NID1: variants seen among roughly 807,000 people sequenced by gnomAD.
The protein encoded by NID1 is nidogen 1.
NID1 carries 76 observed loss-of-function variants against 130.6 expected under a neutral mutation model. That is an observed-to-expected ratio of 0.58 (90% CI 0.48 to 0.70). The LOEUF is 0.70. Ranked by LOEUF, NID1 falls within the 30% of genes least tolerant of loss-of-function variation. NID1 has a pLI of 0.00. For missense variants in NID1, 1,517 were observed against 1,664.8 expected (o/e 0.91, Z 1.54); for synonymous variants, 665 against 675.1 (o/e 0.98, Z 0.23).
At position 236,039,059 on chromosome 1, in the gene NID1, T is replaced by C. The variant is rs369275755; in HGVS notation, c.1136-806A>G. Among the ~76,000 whole-genome samples, 27 of 141,062 alleles carry C rather than the reference T, an allele frequency of 1.9e-4. No individual in the cohort carries two copies. The East Asian group carries it at 4.5e-3, about 24-fold the overall frequency. The allele number at this position is 141,062 out of a possible 152,430, so 92.5% of individuals were successfully genotyped here. A position where few individuals can be genotyped will look rare whatever the true frequency, so the allele number is the denominator to read the frequency against. The stretch of plus-strand genomic sequence containing the variant: ...AATATATATTTACATTATATATTTA[T>C]ATATACATTATATATATTTACATTA... On this transcript the variant is annotated intron_variant, in intron 4 of 19. Transcript: ENST00000264187.
At chr1:236,060,445 G>C (rs1277313638) in intron 1 of NID1, among the ~76,000 whole-genome samples, 2 of 152,108 alleles carry the variant, frequency 1.3e-5, no homozygotes, top group African/African-American at 4.8e-5. Context: ...CTTTGACTTA[G>C]AATGCCTTAA....
At chr1:236,036,188 C>T (rs1659254354) in intron 5 of NID1, among the ~76,000 whole-genome samples, 1 of 152,022 alleles carries the variant, frequency 6.6e-6, no homozygotes. Context: ...ATACAAAAGC[C>T]AAGCCTGAAA....
intron 15 of NID1, among the ~76,000 whole-genome samples, chr1:235,982,139 A>AG (rs1481936166): frequency 1.3e-5 from 2 of 152,134 alleles, no homozygotes; most frequent in Non-Finnish European, 1.5e-5. Context: ...GAGAACAGGG[A>AG]GGGGTTCCTG....
At chr1:236,062,534 T>A (rs1480887200) in intron 1 of NID1, among the ~76,000 whole-genome samples, 2 of 149,100 alleles carry the variant, frequency 1.3e-5, no homozygotes, top group African/African-American at 5.0e-5. Context: ...CTCGGGAGGC[T>A]GAGGCAGGAG....
intron 14 of NID1, among the ~76,000 whole-genome samples, chr1:235,989,328 G>C (rs1280707783): frequency 6.6e-6 from 1 of 152,096 alleles, no homozygotes; most frequent in Non-Finnish European, 1.5e-5. Context: ...CTTGGTCTTG[G>C]GAAAGAATGT....
intron 11 of NID1, 82 bp from the exon 12 acceptor site, chr1:236,012,125 C>G: frequency 1.9e-6 from 3 of 1,542,474 alleles, no homozygotes; most frequent in Non-Finnish European, 2.7e-6. Flanking sequence ...GCCACTTACT[C>G]AAATCTATGG....
At chr1:236,063,303 C>A (rs918065843) in intron 1 of NID1, among the ~76,000 whole-genome samples, 4 of 151,774 alleles carry the variant, frequency 2.6e-5, no homozygotes, top group East Asian at 1.9e-4. Flanking sequence ...GAAACCATGT[C>A]TCTACTTAAA....
At chr1:236,034,422 C>CA (rs144657585) in intron 5 of NID1, among the ~76,000 whole-genome samples, 6,783 of 92,398 alleles carry the variant, frequency 0.073, 505 homozygotes, top group African/African-American at 0.19. Context: ...AACTCCATCT[C>CA]AAAAAAAAAA....
At chr1:236,050,647 G>A (rs1298264108) in intron 1 of NID1, among the ~76,000 whole-genome samples, 1 of 152,128 alleles carries the variant, frequency 6.6e-6, no homozygotes, top group Non-Finnish European at 1.5e-5. Flanking sequence ...GTGGCAAACA[G>A]CCCCTTGGAG....
Position 235,979,810 on chromosome 1 carries a change from C to T in NID1, c.3509+12G>A, listed in dbSNP as rs1657379390. On this transcript the variant is annotated intron_variant, in intron 18 of 19. Transcript: ENST00000264187. The surrounding 1 kb of genome is among the most constrained non-coding windows in gnomAD (Gnocchi z 4.6). ...CAGGCCCACGCAGCCCCCATGGCTA[C>T]AGCTGACGTACATCTTCCAGTCTGT... The T allele has an allele frequency of 1.2e-6, 2 of 1,613,126 alleles. No homozygotes were observed. The highest frequency in any genetic ancestry group is 1.7e-6 in the Non-Finnish European group (2 of 1,179,378).
intron 1 of NID1, among the ~76,000 whole-genome samples, chr1:236,061,013 C>T (rs187170620): frequency 3.4e-4 from 52 of 152,282 alleles, no homozygotes; most frequent in Non-Finnish European, 5.7e-4. Flanking sequence ...GAGAAGAGTT[C>T]AGCATTTATC....
intron 1 of NID1, among the ~76,000 whole-genome samples, chr1:236,050,117 G>A (rs1332387104): frequency 6.6e-6 from 1 of 151,852 alleles, no homozygotes; most frequent in African/African-American, 2.4e-5. Context: ...ATTCATCAAT[G>A]TGTCCAAAGT....
chr1:235,985,724 T>TTGTG (rs759787113), intron 14 of NID1, among the ~76,000 whole-genome samples: 2,479 of 147,638 alleles, frequency 0.017, 70 homozygotes, highest in African/African-American at 0.055. Flanking sequence ...GTATAGGAAT[T>TTGTG]TGTGTGTGTG....
rs115855809 is a variant in NID1, at chr1:235,992,140, C to T, written c.2756-1082G>A. Among the ~76,000 whole-genome samples the T allele has an allele frequency of 5.6e-3, 852 of 152,280 alleles. 5 individuals carry two copies. Among genetic ancestry groups the T allele is most frequent in the Non-Finnish European group, 0.01 (682 of 68,006 alleles). ...CCCTGTCCTGGCCCCTCTACTCACT[C>T]GCTGTGTGCACAGGGCATGCATCTT... is the stretch of plus-strand genomic sequence containing the variant. On this transcript the variant is annotated intron_variant, in intron 13 of 19. Transcript: ENST00000264187.
chr1:236,038,152 T>C lies in NID1; in HGVS notation c.1237A>G (p.Ser413Gly), dbSNP rs1185057009. 14 of 1,610,442 alleles carry C rather than the reference T, an allele frequency of 8.7e-6. No homozygotes were observed. Among genetic ancestry groups the C allele is most frequent in the Admixed American group, 1.7e-5 (1 of 59,890 alleles). The part of the protein sequence containing the change: ...CRDYATGFCC[S>G]CVAGYTGNGR... ...TTGCCCGTATAGCCAGCGACACAGC[T>C]GCAGCAGAAGCCCGTGGCGTAGTCC... The change falls in exon 5 of 20, where the codon AGC becomes GGC. Residue 413 changes from serine to glycine, a missense_variant. Ser to Gly is a moderately conservative substitution (Grantham distance 56). This residue lies in a region of NID1 where 1,329 missense variants were observed against 1,429.2 expected (regional missense o/e 0.93). Transcript: ENST00000264187.
intron 9 of NID1, among the ~76,000 whole-genome samples, chr1:236,018,784 G>A (rs546721674): frequency 3.7e-4 from 57 of 152,236 alleles, no homozygotes; most frequent in African/African-American, 1.3e-3. Context: ...AATAAGACAT[G>A]TTTCTCATAA....
rs191103671 is a variant in NID1, at chr1:236,046,617, G to A, written c.526-934C>T. On this transcript the variant is annotated intron_variant, in intron 2 of 19. Coordinates refer to ENST00000264187, the MANE Select transcript of NID1 (RefSeq NM_002508.3). ...CAAGATACTGCGGATAAAAAAAAAA[G>A]AGCAAGGGCAAGGTCAGGGAATTAC... is the stretch of plus-strand genomic sequence containing the variant. Among the ~76,000 whole-genome samples, 7 of 152,082 alleles carry A rather than the reference G, an allele frequency of 4.6e-5. No homozygotes were observed. The East Asian group carries it at 1.4e-3, about 29-fold the overall frequency.
chr1:235,985,767 T>C (rs983312771), intron 14 of NID1, among the ~76,000 whole-genome samples: 64 of 150,674 alleles, frequency 4.2e-4, no homozygotes, highest in Non-Finnish European at 5.8e-4. Flanking sequence ...TATATATGCA[T>C]AAATATGTAT....
In NID1 at chr1:236,026,064, T is replaced by C; in HGVS notation, c.1816A>G (p.Thr606Ala). The part of the protein sequence containing the change: ...RDGASPSRIY[T>A]YQWRQTITFQ... ...GTGATGGTCTGGCGCCACTGGTAAGTGTAGATGCGTGAAGGAGATGCCCCA... is the reference window on the plus strand; with the variant it reads ...GTGATGGTCTGGCGCCACTGGTAAGCGTAGATGCGTGAAGGAGATGCCCCA... Residue 606 changes from threonine to alanine, a missense_variant, in exon 8 of 20, where the codon ACT (threonine) becomes GCT (alanine). Physicochemically the swap from Thr to Ala is moderately conservative, Grantham distance 58. Coordinates refer to ENST00000264187, the MANE Select transcript of NID1 (RefSeq NM_002508.3). 4 of 1,613,312 alleles carry C rather than the reference T, an allele frequency of 2.5e-6. No homozygotes were observed. The highest frequency in any genetic ancestry group is 3.4e-6 in the Non-Finnish European group (4 of 1,179,944).
Sources: allele counts gnomAD v4.1 joint callset (sites outside exome capture counted in the v4.1 genomes callset), GRCh38; gene constraint gnomAD v4.1.1; regional missense constraint gnomAD v4.1.1; non-coding constraint Gnocchi (gnomAD v3.1); transcripts MANE v1.5; gene names NCBI Gene and HGNC (gene_info 2026-07-23, HGNC 2026-07-21).